Variants in PCDHGA11 observed in about 807,000 individuals in gnomAD.
PCDHGA11 encodes the protein protocadherin gamma subfamily A, 11, also known as protocadherin gamma-A11.
A neutral mutation model predicts 60.4 loss-of-function variants in PCDHGA11; 39 were observed. That is an observed-to-expected ratio of 0.65 (90% CI 0.50 to 0.84). PCDHGA11 has a LOEUF of 0.84. Ranked by LOEUF, PCDHGA11 falls within the 40% of genes least tolerant of loss-of-function variation. The pLI, the probability that PCDHGA11 is intolerant of heterozygous loss-of-function variation, is 0.00. For synonymous variants in PCDHGA11, 533 were observed against 510.3 expected, an observed-to-expected ratio of 1.04 and a Z score of -0.60; for missense variants, 1,165 against 1,197.7, an observed-to-expected ratio of 0.97 and a Z score of 0.40.
At chr5:141,502,862 C>CTTTT (rs2154593209) in intron 2 of PCDHGA11, among the ~76,000 whole-genome samples, 1 of 68,550 alleles carries the variant, frequency 1.5e-5, no homozygotes, top group African/African-American at 9.9e-5. Flanking sequence ...CCCTGACTCT[C>CTTTT]TGTCTTTTTT....
chr5:141,443,244 G>A (rs1277982376), intron 1 of PCDHGA11, among the ~76,000 whole-genome samples: 4 of 151,542 alleles, frequency 2.6e-5, no homozygotes, highest in African/African-American at 9.7e-5. Flanking sequence ...ACTTTGGGGC[G>A]CCAAGGCGGG....
In PCDHGA11 at chr5:141,511,599, C is replaced by G; in HGVS notation, c.*426C>G. 4.0e-6 allele frequency: 1 copy of G among 252,540 alleles called. No homozygotes were observed. Among genetic ancestry groups the G allele is most frequent in the South Asian group, 5.2e-5 (1 of 19,398 alleles). 15.6% of individuals were successfully genotyped at this position (252,540 alleles called of 1,614,324 possible). ...GTTGGGGTGTTGAAGTACCAAGTAA[C>G]CTACAAGCCTCCTAGTTCTGAAAAG... On this transcript the variant is annotated 3_prime_UTR_variant, in exon 4 of 4. Coordinates refer to ENST00000398587, the MANE Select transcript of PCDHGA11 (RefSeq NM_018914.3).
chr5:141,457,273 G>A (rs746102734), intron 1 of PCDHGA11, among the ~76,000 whole-genome samples: 7 of 152,144 alleles, frequency 4.6e-5, no homozygotes, highest in Admixed American at 1.3e-4. Context: ...CCCTCTGTGG[G>A]CCTACGAAGT....
In PCDHGA11 at chr5:141,477,244, G is replaced by T. The variant is rs367944211; in HGVS notation, c.2434-17563G>T. On this transcript the variant is annotated intron_variant, in intron 1 of 3. Coordinates refer to ENST00000398587, the MANE Select transcript of PCDHGA11 (RefSeq NM_018914.3). The surrounding 1 kb of genome is among the most constrained non-coding windows in gnomAD (Gnocchi z 4.9). ...GGACTGTCATCGCTTTGCTCAGTGT[G>T]ACTGACCTGGATGCTGGCGAGAACG... 9 of 1,614,190 alleles carry T rather than the reference G, an allele frequency of 5.6e-6. No homozygotes were observed. Among genetic ancestry groups the T allele is most frequent in the Non-Finnish European group, 7.6e-6 (9 of 1,180,052 alleles).
intron 1 of PCDHGA11, among the ~76,000 whole-genome samples, chr5:141,439,270 A>G (rs1381185021): frequency 6.6e-6 from 1 of 152,140 alleles, no homozygotes; most frequent in African/African-American, 2.4e-5. Flanking sequence ...CCAACAGTTC[A>G]TTCTGAGACT....
intron 1 of PCDHGA11, among the ~76,000 whole-genome samples, chr5:141,424,973 G>A (rs2096851520): frequency 6.6e-6 from 1 of 152,108 alleles, no homozygotes; most frequent in African/African-American, 2.4e-5. Flanking sequence ...AAATTACTTG[G>A]ATATTTATGT....
intron 1 of PCDHGA11, among the ~76,000 whole-genome samples, chr5:141,470,268 G>A (rs1349444076): frequency 6.6e-6 from 1 of 152,082 alleles, no homozygotes; most frequent in East Asian, 1.9e-4. Flanking sequence ...GGAGATACAT[G>A]TTTGTTTGAT....
At chr5:141,453,145 G>A (rs1329081754) in intron 1 of PCDHGA11, among the ~76,000 whole-genome samples, 3 of 151,752 alleles carry the variant, frequency 2.0e-5, no homozygotes, top group Admixed American at 6.6e-5. Context: ...ATAGGGTCTC[G>A]CTATGTCACC....
At position 141,422,342 on chromosome 5, in the gene PCDHGA11, TG is replaced by T; in HGVS notation, c.1116del (p.Gln373LysfsTer23). On this transcript the variant is annotated frameshift_variant, in exon 1 of 4. Coordinates refer to ENST00000398587, the MANE Select transcript of PCDHGA11 (RefSeq NM_018914.3). LOFTEE classifies it high-confidence loss of function. ...PPGTVIALLN[V>X]QDQDSGENGQ... Reference sequence around the variant, plus strand: ...GGTACAGTGATTGCTCTTCTAAATGTGCAAGATCAAGATTCTGGAGAAAATG... The same window carrying T: ...GGTACAGTGATTGCTCTTCTAAATGTCAAGATCAAGATTCTGGAGAAAATG... 1 of 1,551,514 alleles carries T rather than the reference TG, an allele frequency of 6.4e-7. No homozygotes were observed.
chr5:141,450,678 G>C (rs1038323301), intron 1 of PCDHGA11, among the ~76,000 whole-genome samples: 1 of 151,854 alleles, frequency 6.6e-6, no homozygotes, highest in Non-Finnish European at 1.5e-5. Context: ...GTAGAAACGG[G>C]GTTTTGCCAT....
Position 141,476,023 on chromosome 5 carries a change from G to A in PCDHGA11, c.2434-18784G>A. 1 of 1,415,690 alleles carries A rather than the reference G, an allele frequency of 7.1e-7. No homozygotes were observed. The highest frequency in any genetic ancestry group is 2.3e-5 in the Admixed American group (1 of 43,980). 87.7% of individuals were successfully genotyped at this position (1,415,690 alleles called of 1,614,324 possible). A position where few individuals can be genotyped will look rare whatever the true frequency, so the allele number is the denominator to read the frequency against. ...CATCCAGAAAGCCATGTCGGACTCG[G>A]CGCCCAGCGCCCAAGCGCTAACCCG... On this transcript the variant is annotated intron_variant, in intron 1 of 3. Coordinates refer to ENST00000398587, the MANE Select transcript of PCDHGA11 (RefSeq NM_018914.3). This position sits in a 1 kb window ranked among gnomAD's most constrained non-coding sequence, Gnocchi z 7.6.
rs145025535 is a variant in PCDHGA11 at position 141,457,569 on chromosome 5, T to A, written c.2433+33909T>A. 2.5e-3 allele frequency among the ~76,000 whole-genome samples: 376 copies of A among 152,304 alleles called. 1 individual carries two copies. Among genetic ancestry groups the A allele is most frequent in the African/African-American group, 8.6e-3 (357 of 41,554 alleles). On this transcript the variant is annotated intron_variant, in intron 1 of 3. Transcript: ENST00000398587. Reference sequence around the variant, plus strand: ...TGTATGATAAGCTTTGGAGCAAAATTTTTCTCTCCAGTCCTCATTTTTGGT... The same window carrying A: ...TGTATGATAAGCTTTGGAGCAAAATATTTCTCTCCAGTCCTCATTTTTGGT...
At chr5:141,508,535 C>CA (rs1426956469) in intron 3 of PCDHGA11, among the ~76,000 whole-genome samples, 1 of 152,172 alleles carries the variant, frequency 6.6e-6, no homozygotes, top group Admixed American at 6.5e-5. Flanking sequence ...GGGCACCCCC[C>CA]ACGAGGTGGG....
chr5:141,438,682 A>G (rs1282726848), intron 1 of PCDHGA11, among the ~76,000 whole-genome samples: 13 of 140,730 alleles, frequency 9.2e-5, no homozygotes, highest in Admixed American at 6.6e-4. Flanking sequence ...GGAGTAGGGG[A>G]TGGAGTCTTG....
Position 141,432,108 on chromosome 5 carries a change from C to G in PCDHGA11, c.2433+8448C>G. ...GTGGCAGACACCAACGACAACCCGC[C>G]GGTCTTCCCTCAGGCCTCCTATTCC... On this transcript the variant is annotated intron_variant, in intron 1 of 3. Coordinates refer to ENST00000398587, the MANE Select transcript of PCDHGA11 (RefSeq NM_018914.3). The surrounding 1 kb of genome is among the most constrained non-coding windows in gnomAD (Gnocchi z 6.0). 4 of 1,614,180 alleles carry G rather than the reference C, an allele frequency of 2.5e-6. No homozygotes were observed. The highest frequency in any genetic ancestry group is 3.4e-6 in the Non-Finnish European group (4 of 1,180,046).
chr5:141,501,902 C>G (rs2154593013), intron 2 of PCDHGA11, among the ~76,000 whole-genome samples: 1 of 152,202 alleles, frequency 6.6e-6, no homozygotes, highest in East Asian at 1.9e-4. Flanking sequence ...GGTTCCAACC[C>G]CACTGTTCCA....
chr5:141,478,563 C>A, intron 1 of PCDHGA11: 2 of 1,596,270 alleles, frequency 1.3e-6, no homozygotes, highest in South Asian at 1.1e-5. Context: ...TTTAGCAAGT[C>A]ATGCTTGACC....
rs377701820 is a variant in PCDHGA11 at position 141,422,031 on chromosome 5, G to A, written c.804G>A (p.Thr268=). The change falls in exon 1 of 4, where the codon ACG becomes ACA. Residue 268 remains threonine (T), a synonymous_variant. Coordinates refer to ENST00000398587, the MANE Select transcript of PCDHGA11 (RefSeq NM_018914.3). ...SGTRVLMVNA[T]DPDEGINGEV... ...CTCGGGTGCTGATGGTTAATGCAAC[G>A]GATCCAGACGAGGGAATCAACGGGG... 127 of 1,610,494 alleles carry A rather than the reference G, an allele frequency of 7.9e-5. No individual in the cohort carries two copies. In the East Asian group the frequency reaches 2.4e-3, roughly 31 times the overall value.
In PCDHGA11 at chr5:141,477,533, G is replaced by C. The variant is rs780541121; in HGVS notation, c.2434-17274G>C. On this transcript the variant is annotated intron_variant, in intron 1 of 3. Transcript: ENST00000398587. This position sits in a 1 kb window ranked among gnomAD's most constrained non-coding sequence, Gnocchi z 4.9. ...TTACATTGAAGAAAACAACCTCCCC[G>C]GGGCTCCAATACTAAACCTAAGTGT... The C allele has an allele frequency of 6.2e-7, 1 of 1,613,892 alleles. No individual in the cohort carries two copies. The highest frequency in any genetic ancestry group is 1.3e-5 in the African/African-American group (1 of 74,852).
Sources: gnomAD v4.1 joint callset for allele counts (sites outside exome capture counted in the v4.1 genomes callset) on GRCh38, gnomAD v4.1.1 for gene constraint, Gnocchi (gnomAD v3.1) non-coding constraint, MANE v1.5 for transcripts, NCBI Gene and HGNC (gene_info 2026-07-23, HGNC 2026-07-21) for gene names.